TBL3: variants seen among roughly 807,000 people sequenced by gnomAD.
The protein encoded by TBL3 is transducin beta-like protein 3.
TBL3 carries 71 observed loss-of-function variants against 102.7 expected under a neutral mutation model. That is an observed-to-expected ratio of 0.69 (90% CI 0.57 to 0.84). TBL3 has a LOEUF of 0.84. Ranked by LOEUF, TBL3 falls within the 40% of genes least tolerant of loss-of-function variation. TBL3 has a pLI of 0.00. For synonymous variants in TBL3, 578 were observed against 477.7 expected, an observed-to-expected ratio of 1.21 and a Z score of -2.74; for missense variants, 1,188 against 1,098.5, an observed-to-expected ratio of 1.08 and a Z score of -1.15.
chr16:1,977,440 G>T lies in TBL3; in HGVS notation c.1742+14G>T, dbSNP rs755479869. ...GCTGCTGTCCAGGTGAGTGGGCTGG[G>T]GTGGGGCAGCGATGGAGTGGGGGGT... On this transcript the variant is annotated intron_variant, in intron 16 of 21. Coordinates refer to ENST00000568546, the MANE Select transcript of TBL3 (RefSeq NM_006453.3). 1.2e-6 allele frequency: 2 copies of T among 1,612,572 alleles called. No homozygotes were observed. The highest frequency in any genetic ancestry group is 8.5e-7 in the Non-Finnish European group (1 of 1,179,942).
At position 1,980,840 on chromosome 16, in the gene TBL3, G is replaced by T. The variant is rs2083493646; in HGVS notation, c.*2155G>T. 1 of 1,464,828 alleles carries T rather than the reference G, an allele frequency of 6.8e-7. No homozygotes were observed. Among genetic ancestry groups the T allele is most frequent in the Non-Finnish European group, 9.4e-7 (1 of 1,063,258 alleles). 90.7% of individuals were successfully genotyped at this position (1,464,828 alleles called of 1,614,324 possible). On this transcript the variant is annotated 3_prime_UTR_variant, in exon 22 of 22. Transcript: ENST00000568546. ...GGCTGGGAGCTTCAGCAGGGACGAA[G>T]GGCCTCCAGTGGGAGTCACTGATGG...
intron 1 of TBL3, 83 bp downstream of exon 1, chr16:1,972,288 C>T (rs764916879): frequency 4.0e-6 from 5 of 1,264,418 alleles, no homozygotes; most frequent in East Asian, 3.2e-5. Context: ...GGTGGGCACG[C>T]ATTGGGGTCC....
chr16:1,977,248 C>T lies in TBL3; in HGVS notation c.1635C>T (p.Ile545=), dbSNP rs375945154. 5.8e-5 allele frequency: 94 copies of T among 1,613,194 alleles called. No homozygotes were observed. Among genetic ancestry groups the T allele is most frequent in the Non-Finnish European group, 7.5e-5 (89 of 1,179,954 alleles). The change falls in exon 15 of 22, where the codon ATC becomes ATT. Residue 545 remains isoleucine, a synonymous_variant. Transcript: ENST00000568546. ...VLATASADGT[I]KLWALQDFSC... ...CCACGGCCTCAGCTGATGGCACCAT[C>T]AAGCTCTGGGCACTCCAGGACTTCA...
intron 19 of TBL3, 27 bp from the exon 20 acceptor site, chr16:1,978,122 C>G: frequency 6.2e-7 from 1 of 1,611,886 alleles, no homozygotes; most frequent in Non-Finnish European, 8.5e-7. Flanking sequence ...TCTGCTTTCC[C>G]CAGCTCAGCC....
Position 1,972,083 on chromosome 16 carries a change from A to G in TBL3, c.-82A>G. 7.2e-7 allele frequency: 1 copy of G among 1,381,636 alleles called. No homozygotes were observed. Among genetic ancestry groups the G allele is most frequent in the East Asian group, 3.1e-5 (1 of 32,296 alleles). 85.6% of individuals were successfully genotyped at this position (1,381,636 alleles called of 1,614,324 possible). On this transcript the variant is annotated 5_prime_UTR_variant, in exon 1 of 22. Transcript: ENST00000568546. ...GCGCCGGGAGTGTGGCGTTCTGTGA[A>G]GAGTTCGGTGCTAACCTCCCTCACG...
chr16:1,980,995 A>G lies in TBL3; in HGVS notation c.*2310A>G. ...CGCACGAAGGTGTCGCTGCCGTCTG[A>G]CCAGCGCACAGAGAAGGCAAACGTC... On this transcript the variant is annotated 3_prime_UTR_variant, in exon 22 of 22. Coordinates refer to ENST00000568546, the MANE Select transcript of TBL3 (RefSeq NM_006453.3). The G allele has an allele frequency of 1.2e-6, 2 of 1,613,256 alleles. No individual in the cohort carries two copies. Among genetic ancestry groups the G allele is most frequent in the South Asian group, 2.2e-5 (2 of 91,090 alleles).
rs1366285289 is a variant in TBL3 at position 1,980,256 on chromosome 16, A to C, written c.*1571A>C. The C allele has an allele frequency of 5.3e-6, 8 of 1,520,864 alleles. No individual in the cohort carries two copies. The highest frequency in any genetic ancestry group is 6.2e-6 in the Non-Finnish European group (7 of 1,132,614). The allele number at this position is 1,520,864 out of a possible 1,614,324, so 94.2% of individuals were successfully genotyped here. A position where few individuals can be genotyped will look rare whatever the true frequency, so the allele number is the denominator to read the frequency against. ...AAACTGGGGGCGCCACCCCGGCAAG[A>C]CCGCCAGCCTCCCACTCTCTGCCCC... On this transcript the variant is annotated 3_prime_UTR_variant, in exon 22 of 22. Coordinates refer to ENST00000568546, the MANE Select transcript of TBL3 (RefSeq NM_006453.3).
At position 1,980,011 on chromosome 16, in the gene TBL3, A is replaced by G. The variant is rs777345126; in HGVS notation, c.*1326A>G. Reference sequence around the variant, plus strand: ...GGGGGCCCTACCTGAGGGGTGCCGCAGCAGCACGTCCAGGCTCTCCTGGGC... The same window carrying G: ...GGGGGCCCTACCTGAGGGGTGCCGCGGCAGCACGTCCAGGCTCTCCTGGGC... On this transcript the variant is annotated 3_prime_UTR_variant, in exon 22 of 22. Transcript: ENST00000568546. 16 of 1,604,974 alleles carry G rather than the reference A, an allele frequency of 1.0e-5. No individual in the cohort carries two copies. The highest frequency in any genetic ancestry group is 1.8e-4 in the Middle Eastern group (1 of 5,674).
In TBL3 at chr16:1,975,047, A is replaced by G. The variant is rs1555484623; in HGVS notation, c.584A>G (p.Tyr195Cys). The change falls in exon 7 of 22, where the codon TAC (tyrosine) becomes TGC (cysteine). Residue 195 changes from tyrosine to cysteine, a missense_variant. By Grantham distance (194) the Tyr-to-Cys change is radical (BLOSUM62 -2). Coordinates refer to ENST00000568546, the MANE Select transcript of TBL3 (RefSeq NM_006453.3). ...RSCLAVLTAH[Y>C]SAVTSLAFSA... ...TGCCTGGCTGTGCTGACTGCCCACT[A>G]CAGCGCCGTCACCTCACTGGCCTTC... The G allele has an allele frequency of 1.2e-6, 2 of 1,607,704 alleles. No homozygotes were observed. The highest frequency in any genetic ancestry group is 1.7e-6 in the Non-Finnish European group (2 of 1,179,968).
Position 1,975,444 on chromosome 16 carries a change from TTGGGCCGGGACA to T in TBL3, c.805+12_805+23del. 3.7e-6 allele frequency: 6 copies of T among 1,613,338 alleles called. No individual in the cohort carries two copies. Among genetic ancestry groups the T allele is most frequent in the Non-Finnish European group, 5.1e-6 (6 of 1,179,808 alleles). On this transcript the variant is annotated splice_region_variant and intron_variant, in intron 9 of 21. Transcript: ENST00000568546. ...TCTGACAGCTGGCGACCAAGGTGTG[TTGGGCCGGGACA>T]TGGGCAGGCGGTAGGGGCTGGGGAA...
chr16:1,981,313 C>T lies in TBL3; in HGVS notation c.*2628C>T, dbSNP rs2083505493. 2 of 1,460,266 alleles carry T rather than the reference C, an allele frequency of 1.4e-6. No homozygotes were observed. The highest frequency in any genetic ancestry group is 1.8e-6 in the Non-Finnish European group (2 of 1,108,388). The allele number at this position is 1,460,266 out of a possible 1,614,324, so 90.5% of individuals were successfully genotyped here. A position where few individuals can be genotyped will look rare whatever the true frequency, so the allele number is the denominator to read the frequency against. On this transcript the variant is annotated 3_prime_UTR_variant, in exon 22 of 22. Transcript: ENST00000568546. Reference sequence around the variant, plus strand: ...GGCAACACCTCAAGCCTGTGGGGTCCTTGTGGAGCCGCCCCAGCTGAGTCC... The same window carrying T: ...GGCAACACCTCAAGCCTGTGGGGTCTTTGTGGAGCCGCCCCAGCTGAGTCC...
chr16:1,974,779 C>T lies in TBL3; in HGVS notation c.396C>T (p.Ala132=), dbSNP rs147407993. ...TCCCCGCAGGTGGCTGTGATGGGGC[C>T]GTGCGCGTCTGGGACATCGTGCGGC... The part of the protein sequence containing the change: ...TLLATGGCDG[A]VRVWDIVRHY... The change falls in exon 6 of 22, where the codon GCC becomes GCT. Residue 132 remains alanine (A), a synonymous_variant. Transcript: ENST00000568546. 5.3e-5 allele frequency: 86 copies of T among 1,612,854 alleles called. No individual in the cohort carries two copies. Among genetic ancestry groups the T allele is most frequent in the African/African-American group, 1.1e-4 (8 of 74,942 alleles).
chr16:1,979,646 C>G lies in TBL3; in HGVS notation c.*961C>G, dbSNP rs114640933. 2,458 of 1,256,332 alleles carry G rather than the reference C, an allele frequency of 2.0e-3. 27 individuals carry two copies. The African/African-American group carries it at 0.032, about 16-fold the overall frequency. The allele number at this position is 1,256,332 out of a possible 1,614,324, so 77.8% of individuals were successfully genotyped here. ...TGCTTGAGTCTGCTGACGGCGGGGCCGCTCTAAGACCGGTTCGGGGCTTCC... is the reference window on the plus strand; with the variant it reads ...TGCTTGAGTCTGCTGACGGCGGGGCGGCTCTAAGACCGGTTCGGGGCTTCC... On this transcript the variant is annotated 3_prime_UTR_variant, in exon 22 of 22. Transcript: ENST00000568546.
At position 1,979,236 on chromosome 16, in the gene TBL3, C is replaced by G. The variant is rs1305993689; in HGVS notation, c.*551C>G. ...GGCCTGGGAGGGTTCAGGGAAGCCC[C>G]GGGCCTCACCCGCCGGGTCGTCTCC... On this transcript the variant is annotated 3_prime_UTR_variant, in exon 22 of 22. Coordinates refer to ENST00000568546, the MANE Select transcript of TBL3 (RefSeq NM_006453.3). 2.7e-6 allele frequency: 4 copies of G among 1,507,004 alleles called. No homozygotes were observed. In the African/African-American group the frequency reaches 5.7e-5, roughly 21 times the overall value. 93.4% of individuals were successfully genotyped at this position (1,507,004 alleles called of 1,614,324 possible). A position where few individuals can be genotyped will look rare whatever the true frequency, so the allele number is the denominator to read the frequency against.
In TBL3 at chr16:1,977,993, G is replaced by A. The variant is rs147338596; in HGVS notation, c.1994G>A (p.Arg665Gln). The change falls in exon 19 of 22, where the codon CGG becomes CAG. Residue 665 changes from arginine to glutamine, a missense_variant. Coordinates refer to ENST00000568546, the MANE Select transcript of TBL3 (RefSeq NM_006453.3). ...QELDNLLHEK[R>Q]YLRALGLAIS... is the part of the protein sequence containing the mutation. ...CTGGACAACCTGCTGCATGAGAAGCGGTACCTGCGGGCGCTGGGCCTGGCC... is the reference window on the plus strand; with the variant it reads ...CTGGACAACCTGCTGCATGAGAAGCAGTACCTGCGGGCGCTGGGCCTGGCC... 162 of 1,605,922 alleles carry A rather than the reference G, an allele frequency of 1.0e-4. No homozygotes were observed. The African/African-American group carries it at 1.6e-3, about 16-fold the overall frequency.
Position 1,979,104 on chromosome 16 carries a change from C to A in TBL3, c.*419C>A. 2.7e-6 allele frequency: 4 copies of A among 1,497,864 alleles called. No individual in the cohort carries two copies. The highest frequency in any genetic ancestry group is 3.5e-6 in the Non-Finnish European group (4 of 1,139,042). 92.8% of individuals were successfully genotyped at this position (1,497,864 alleles called of 1,614,324 possible). A position where few individuals can be genotyped will look rare whatever the true frequency, so the allele number is the denominator to read the frequency against. On this transcript the variant is annotated 3_prime_UTR_variant, in exon 22 of 22. Transcript: ENST00000568546. ...AGAGTCCACGCACCCTCGAGGGCGGCCCTGGCGCCGTGGGCGCCGCTCCAG... is the reference window on the plus strand; with the variant it reads ...AGAGTCCACGCACCCTCGAGGGCGGACCTGGCGCCGTGGGCGCCGCTCCAG...
rs2083396347 is a variant in TBL3, at chr16:1,975,789, G to C, written c.988-19G>C. 6.2e-7 allele frequency: 1 copy of C among 1,614,080 alleles called. No individual in the cohort carries two copies. Among genetic ancestry groups the C allele is most frequent in the South Asian group, 1.1e-5 (1 of 91,086 alleles). On this transcript the variant is annotated intron_variant, in intron 10 of 21. Coordinates refer to ENST00000568546, the MANE Select transcript of TBL3 (RefSeq NM_006453.3). ...ACACAGGTCCTGGCTCACATCTCCT[G>C]CTCCCTGCCACCCCGCAGTTCGCTG...
Position 1,974,042 on chromosome 16 carries a change from C to T in TBL3, c.42-14C>T, listed in dbSNP as rs763672005. 3.2e-5 allele frequency: 50 copies of T among 1,542,888 alleles called. No homozygotes were observed. Among genetic ancestry groups the T allele is most frequent in the Middle Eastern group, 1.8e-4 (1 of 5,712 alleles). On this transcript the variant is annotated splice_polypyrimidine_tract_variant and intron_variant, in intron 1 of 21. Transcript: ENST00000568546. ...GGGTGGGTGGTGCTCATTCGCCTCC[C>T]GCTCTCCTTCCAGCTATGCTGTGGA...
chr16:1,974,724 G>C (rs368831201), intron 5 of TBL3, 39 bp from the exon 6 acceptor site: 2 of 1,611,982 alleles, frequency 1.2e-6, no homozygotes, highest in Non-Finnish European at 1.7e-6. Flanking sequence ...AGATGCAGGG[G>C]CTTTGGGCAT....
Sources: gnomAD v4.1 joint callset for allele counts on GRCh38, gnomAD v4.1.1 for gene constraint, MANE v1.5 for transcripts, NCBI Gene and HGNC (gene_info 2026-07-23, HGNC 2026-07-21) for gene names.